Variants in ADAM12 observed in about 807,000 individuals in gnomAD.
ADAM12 encodes ADAM metallopeptidase domain 12, also known as disintegrin and metalloproteinase domain-containing protein 12.
ADAM12 carries 70 observed loss-of-function variants against 106.4 expected under a neutral mutation model. The observed-to-expected ratio is 0.66, with a 90% CI of 0.54 to 0.80. The LOEUF is 0.80. ADAM12 is among the 30% of genes least tolerant of loss of function. The probability of loss-of-function intolerance (pLI) is 0.00; values close to 1 mark genes in which losing one functional copy is unlikely to be tolerated. For synonymous variants in ADAM12, 420 were observed against 433.5 expected (o/e 0.97, Z 0.39); for missense variants, 1,010 against 1,171.9 (o/e 0.86, Z 2.02).
intron 3 of ADAM12, among the ~76,000 whole-genome samples, chr10:126,182,266 C>A (rs141627583): frequency 2.0e-5 from 3 of 152,292 alleles, no homozygotes; most frequent in Non-Finnish European, 4.4e-5. Flanking sequence ...GGCCAGATAT[C>A]TATCACAGCA....
chr10:126,308,063 C>T (rs751797748), intron 2 of ADAM12, among the ~76,000 whole-genome samples: 13 of 152,114 alleles, frequency 8.5e-5, no homozygotes, highest in Non-Finnish European at 1.8e-4. Flanking sequence ...AGGAATTGAG[C>T]TGGGTCAGGG....
chr10:126,097,058 G>A (rs145635346), intron 10 of ADAM12, among the ~76,000 whole-genome samples: 11 of 152,220 alleles, frequency 7.2e-5, no homozygotes, highest in South Asian at 2.1e-4. Context: ...TTTCAGCACC[G>A]CACAGCAGCA....
chr10:126,031,589 A>G (rs1953972281), intron 21 of ADAM12, among the ~76,000 whole-genome samples: 1 of 152,146 alleles, frequency 6.6e-6, no homozygotes, highest in African/African-American at 2.4e-5. Flanking sequence ...ACCTTTTATA[A>G]AGGTTTGAGG....
intron 3 of ADAM12, among the ~76,000 whole-genome samples, chr10:126,179,438 A>C (rs996378845): frequency 1.3e-5 from 2 of 152,206 alleles, no homozygotes; most frequent in East Asian, 1.9e-4. Context: ...TTCTTCCACC[A>C]AGAGTGGTAA....
intron 6 of ADAM12, among the ~76,000 whole-genome samples, chr10:126,114,195 G>A (rs187090212): frequency 3.9e-4 from 60 of 152,256 alleles, no homozygotes; most frequent in African/African-American, 1.4e-3. Flanking sequence ...ACACCTGGCC[G>A]ACATGTAGGC....
intron 3 of ADAM12, among the ~76,000 whole-genome samples, chr10:126,191,771 T>C (rs1002150662): frequency 3.3e-5 from 5 of 152,204 alleles, no homozygotes; most frequent in African/African-American, 7.2e-5. Flanking sequence ...GCTCTACTAA[T>C]AACTAGCTCT....
chr10:126,157,647 A>G (rs573162827), intron 3 of ADAM12, among the ~76,000 whole-genome samples: 1 of 152,322 alleles, frequency 6.6e-6, no homozygotes, highest in Admixed American at 6.5e-5. Flanking sequence ...CCTCACACTC[A>G]CTGGCAAAGG....
intron 11 of ADAM12, among the ~76,000 whole-genome samples, chr10:126,082,924 T>C (rs1955257314): frequency 6.6e-6 from 1 of 152,072 alleles, no homozygotes; most frequent in African/African-American, 2.4e-5. Flanking sequence ...TTCAGGAAAA[T>C]CTTCAGGTCT....
chr10:126,289,156 T>C lies in ADAM12; in HGVS notation c.187-10168A>G, dbSNP rs143798463. ...GGTGACTTGGTGCCTGGGGGCTGGA[T>C]AGTGTGTTGACATCATGTTGCTGAA... is the stretch of plus-strand genomic sequence containing the variant. On this transcript the variant is annotated intron_variant, in intron 2 of 22. Coordinates refer to ENST00000448723, the MANE Select transcript of ADAM12 (RefSeq NM_001288973.2). Among the ~76,000 whole-genome samples the C allele has an allele frequency of 5.0e-3, 758 of 152,278 alleles. 4 individuals carry two copies. Among genetic ancestry groups the C allele is most frequent in the South Asian group, 0.016 (76 of 4,820 alleles).
chr10:126,370,138 T>C (rs1856058882), intron 1 of ADAM12, among the ~76,000 whole-genome samples: 1 of 152,166 alleles, frequency 6.6e-6, no homozygotes, highest in South Asian at 2.1e-4. Flanking sequence ...GTTGAGCCTT[T>C]GAATGAGATC....
At position 126,135,579 on chromosome 10, in the gene ADAM12, C is replaced by T. The variant is rs1357264222; in HGVS notation, c.416+5G>A. 1 of 1,613,970 alleles carries T rather than the reference C, an allele frequency of 6.2e-7. No individual in the cohort carries two copies. The highest frequency in any genetic ancestry group is 2.2e-5 in the East Asian group (1 of 44,880). ...ACTAGAGCCGCCATGGTCATGGCCA[C>T]TTACCTGAGACCAGAACACGTGCTG... On this transcript the variant is annotated splice_donor_5th_base_variant and intron_variant, in intron 5 of 22. Coordinates refer to ENST00000448723, the MANE Select transcript of ADAM12 (RefSeq NM_001288973.2).
intron 4 of ADAM12, among the ~76,000 whole-genome samples, chr10:126,139,571 T>C (rs748060488): frequency 3.0e-4 from 45 of 151,034 alleles, no homozygotes; most frequent in Non-Finnish European, 5.6e-4. Flanking sequence ...AAGAGTGAAA[T>C]GGCTAGGTAT....
chr10:126,201,762 T>C (rs1408630867), intron 3 of ADAM12, among the ~76,000 whole-genome samples: 2 of 151,520 alleles, frequency 1.3e-5, no homozygotes, highest in Non-Finnish European at 2.9e-5. Flanking sequence ...AACGGTGAAA[T>C]GAAGAAAGAA....
intron 14 of ADAM12, among the ~76,000 whole-genome samples, chr10:126,058,639 C>CA (rs1378512194): frequency 1.3e-5 from 2 of 152,180 alleles, no homozygotes; most frequent in African/African-American, 4.8e-5. Flanking sequence ...GAAAGAGGCT[C>CA]AAAGGCACGG....
At chr10:126,113,725 T>A (rs1265128615) in intron 6 of ADAM12, among the ~76,000 whole-genome samples, 7 of 32,626 alleles carry the variant, frequency 2.1e-4, no homozygotes, top group South Asian at 1.3e-3. Context: ...TATATATATA[T>A]ATATATAATA....
intron 5 of ADAM12, chr10:126,135,376 G>C: frequency 1.8e-6 from 1 of 559,660 alleles, no homozygotes; most frequent in East Asian, 2.8e-5. Context: ...TGTAAGAGGG[G>C]GCATGAACAT....
intron 4 of ADAM12, 53 bp from the exon 5 acceptor site, chr10:126,135,713 C>T: frequency 1.3e-6 from 2 of 1,507,616 alleles, no homozygotes; most frequent in Non-Finnish European, 1.8e-6. Context: ...TTTTTGCCCA[C>T]TTATAATAAA....
In ADAM12 at chr10:126,016,556, C is replaced by G. The variant is rs578068578; in HGVS notation, c.*723G>C. 1 of 152,252 alleles carries G rather than the reference C, an allele frequency of 6.6e-6. No homozygotes were observed. Among genetic ancestry groups the G allele is most frequent in the African/African-American group, 2.4e-5 (1 of 41,434 alleles). 9.4% of individuals were successfully genotyped at this position (152,252 alleles called of 1,614,324 possible). ...CACCGCCTTGAGTGACACTACAGAC[C>G]CCTTCCAAACATGCTCACGGCTGGT... On this transcript the variant is annotated 3_prime_UTR_variant, in exon 23 of 23. Transcript: ENST00000448723.
chr10:126,231,424 T>C (rs937776673), intron 3 of ADAM12, among the ~76,000 whole-genome samples: 45 of 151,772 alleles, frequency 3.0e-4, no homozygotes, highest in African/African-American at 9.9e-4. Flanking sequence ...TTGGGTCCTT[T>C]ATACCATACG....
Sources: allele counts gnomAD v4.1 joint callset (sites outside exome capture counted in the v4.1 genomes callset), GRCh38; gene constraint gnomAD v4.1.1; transcripts MANE v1.5; gene names NCBI Gene and HGNC (gene_info 2026-07-23, HGNC 2026-07-21).